The following SAMD12 variants were observed in gnomAD, a reference collection of about 807,000 sequenced individuals.
SAMD12 encodes sterile alpha motif domain-containing protein 12.
SAMD12 carries 9 observed loss-of-function variants against 15.0 expected under a neutral mutation model. The observed-to-expected ratio is 0.60, with a 90% confidence interval of 0.36 to 1.05. The LOEUF (loss-of-function observed/expected upper bound fraction) is 1.05. Among genes scored for constraint, SAMD12 ranks in the 50% least tolerant of loss-of-function variants. The pLI is 0.01. For missense variants in SAMD12, 230 were observed against 234.2 expected (o/e 0.98, Z 0.12); for synonymous variants, 86 against 90.1 (o/e 0.96, Z 0.25).
chr8:118,497,750 A>AG (rs1824666687), intron 2 of SAMD12, among the ~76,000 whole-genome samples: 1 of 151,600 alleles, frequency 6.6e-6, no homozygotes, highest in South Asian at 2.1e-4. Context: ...AAAGAAAAAA[A>AG]AAAAAGAACA....
At chr8:118,463,327 C>A (rs926949179) in intron 2 of SAMD12, among the ~76,000 whole-genome samples, 2 of 152,020 alleles carry the variant, frequency 1.3e-5, no homozygotes, top group Non-Finnish European at 2.9e-5. Flanking sequence ...CATGGTAAGA[C>A]GCCATGACTC....
chr8:118,409,442 C>T (rs1349081712), intron 3 of SAMD12, among the ~76,000 whole-genome samples: 1 of 136,626 alleles, frequency 7.3e-6, no homozygotes, highest in Non-Finnish European at 1.5e-5. Context: ...ATGTCAACTG[C>T]TTCACCGCTT....
chr8:118,401,409 G>A (rs996202161), intron 3 of SAMD12, among the ~76,000 whole-genome samples: 1 of 152,058 alleles, frequency 6.6e-6, no homozygotes, highest in Non-Finnish European at 1.5e-5. Flanking sequence ...GACAGGGTTT[G>A]GCTCTGTCAC....
chr8:118,279,139 C>T (rs931085237), intron 4 of SAMD12, among the ~76,000 whole-genome samples: 3 of 152,160 alleles, frequency 2.0e-5, no homozygotes, highest in African/African-American at 7.2e-5. Context: ...GGGTCTGGGG[C>T]TGCTTCAGCC....
intron 1 of SAMD12, among the ~76,000 whole-genome samples, chr8:118,602,818 T>A (rs1371643797): frequency 6.6e-6 from 1 of 152,150 alleles, no homozygotes; most frequent in Non-Finnish European, 1.5e-5. Context: ...GCAAAGTCTC[T>A]AATATTGGCA....
the SAMD12 span, among the ~76,000 whole-genome samples, chr8:118,154,283 G>A: frequency 6.6e-6 from 1 of 152,104 alleles, no homozygotes; most frequent in East Asian, 1.9e-4. Flanking sequence ...TCATCACACT[G>A]GGCTACCTAT....
intron 4 of SAMD12, among the ~76,000 whole-genome samples, chr8:118,335,468 G>A (rs536261152): frequency 2.0e-4 from 30 of 152,254 alleles, no homozygotes; most frequent in African/African-American, 6.5e-4. Flanking sequence ...ATGTCAAATC[G>A]TACCTAGCAA....
intron 4 of SAMD12, among the ~76,000 whole-genome samples, chr8:118,327,960 T>TG (rs1398314105): frequency 6.6e-6 from 1 of 152,200 alleles, no homozygotes; most frequent in Non-Finnish European, 1.5e-5. Context: ...GGGTGACATA[T>TG]TTTCACCTGT....
intron 3 of SAMD12, among the ~76,000 whole-genome samples, chr8:118,380,194 A>C (rs73327515): frequency 0.049 from 7,472 of 152,278 alleles, 599 homozygotes; most frequent in African/African-American, 0.17. Context: ...AACATTTCTG[A>C]GAAATATGCA....
chr8:118,244,426 C>T (rs770294821), intron 4 of SAMD12, among the ~76,000 whole-genome samples: 1 of 152,090 alleles, frequency 6.6e-6, no homozygotes, highest in African/African-American at 2.4e-5. Context: ...AATCCATTTG[C>T]AAGGAACACT....
chr8:118,204,067 A>C (rs1420407349), intron 4 of SAMD12, among the ~76,000 whole-genome samples: 8 of 152,090 alleles, frequency 5.3e-5, no homozygotes, highest in Admixed American at 4.6e-4. Context: ...TCTTCTTCTC[A>C]TCATTTGCTC....
chr8:118,621,500 C>T (rs984293696), intron 1 of SAMD12: 3 of 469,458 alleles, frequency 6.4e-6, no homozygotes, highest in Middle Eastern at 5.7e-4. Context: ...GCCAAAACCT[C>T]ATGCCGGATC....
downstream of SAMD12, among the ~76,000 whole-genome samples, chr8:118,376,627 A>C (rs1165216998): frequency 6.6e-6 from 1 of 152,182 alleles, no homozygotes; most frequent in Non-Finnish European, 1.5e-5. Context: ...CATCAACAAC[A>C]AACAATTAAA....
chr8:118,606,717 C>G (rs1331321250), intron 1 of SAMD12, among the ~76,000 whole-genome samples: 1 of 152,172 alleles, frequency 6.6e-6, no homozygotes, highest in Non-Finnish European at 1.5e-5. Flanking sequence ...ATCACTCTCC[C>G]TTACCATTAA....
At chr8:118,303,840 CA>C (rs1815171736) in intron 4 of SAMD12, among the ~76,000 whole-genome samples, 1 of 152,224 alleles carries the variant, frequency 6.6e-6, no homozygotes, top group Non-Finnish European at 1.5e-5. Context: ...CTACTCATCC[CA>C]TTCCAGTTTA....
intron 4 of SAMD12, among the ~76,000 whole-genome samples, chr8:118,331,075 A>G (rs1299779282): frequency 6.7e-6 from 1 of 149,956 alleles, no homozygotes; most frequent in Non-Finnish European, 1.5e-5. Context: ...AGGCTAAGAA[A>G]TCTCTATTTG....
chr8:118,530,088 A>C (rs1825642959), intron 2 of SAMD12, among the ~76,000 whole-genome samples: 1 of 152,138 alleles, frequency 6.6e-6, no homozygotes, highest in South Asian at 2.1e-4. Flanking sequence ...TCACATGGTA[A>C]CTAATTGTGG....
intron 4 of SAMD12, among the ~76,000 whole-genome samples, chr8:118,340,481 A>G (rs1817302469): frequency 6.6e-6 from 1 of 152,128 alleles, no homozygotes; most frequent in African/African-American, 2.4e-5. Context: ...TAATATTTTA[A>G]TTCCCTGCCA....
intron 4 of SAMD12, among the ~76,000 whole-genome samples, chr8:118,205,361 G>A (rs1645018809): frequency 6.6e-6 from 1 of 152,258 alleles, no homozygotes; most frequent in African/African-American, 2.4e-5. Flanking sequence ...GACCATAAGA[G>A]TTAGCACTAT....
Sources: gnomAD v4.1 joint callset for allele counts (sites outside exome capture counted in the v4.1 genomes callset) on GRCh38, gnomAD v4.1.1 for gene constraint, MANE v1.5 for transcripts, NCBI Gene and HGNC (gene_info 2026-07-23, HGNC 2026-07-21) for gene names.